Variants in PRKCZ observed in about 807,000 individuals in gnomAD.
PRKCZ encodes the protein protein kinase C zeta type.
A neutral mutation model predicts 79.5 loss-of-function variants in PRKCZ; 33 were observed. The ratio of observed to expected loss-of-function variants is 0.41; its 90% confidence interval spans 0.31 to 0.55. The LOEUF is 0.55. Ranked by LOEUF, PRKCZ falls within the 20% of genes least tolerant of loss-of-function variation. The probability of loss-of-function intolerance (pLI) is 0.19; values close to 1 mark genes in which losing one functional copy is unlikely to be tolerated. For synonymous variants in PRKCZ, 342 were observed against 320.9 expected, an observed-to-expected ratio of 1.07 and a Z score of -0.70; for missense variants, 578 against 813.5, an observed-to-expected ratio of 0.71 and a Z score of 3.52.
intron 11 of PRKCZ, 113 bp downstream of exon 11, chr1:2,169,717 C>CCCGGAGTTGGGGATGGGTGGGTGCGT (rs1684056065): frequency 4.5e-6 from 1 of 222,732 alleles, no homozygotes; most frequent in Non-Finnish European, 7.8e-6. Flanking sequence ...GGTGGGTGCG[C>CCCGGAGTTGGGGATGGGTGGGTGCGT]GCGGAGTTGG....
chr1:2,105,700 A>C (rs1289837009), intron 4 of PRKCZ, among the ~76,000 whole-genome samples: 1 of 152,180 alleles, frequency 6.6e-6, no homozygotes, highest in Non-Finnish European at 1.5e-5. Flanking sequence ...ACTCCTGGCC[A>C]GGTCTTTTTT....
intron 4 of PRKCZ, among the ~76,000 whole-genome samples, chr1:2,131,617 G>A (rs1024303034): frequency 3.3e-5 from 5 of 152,114 alleles, no homozygotes; most frequent in Non-Finnish European, 5.9e-5. Context: ...CGCAGGACTC[G>A]GCAATATAAA....
chr1:2,172,663 C>T lies in PRKCZ; in HGVS notation c.1285+275C>T, dbSNP rs1279434449. On this transcript the variant is annotated intron_variant, in intron 13 of 17. Transcript: ENST00000378567. The surrounding 1 kb of genome is among the most constrained non-coding windows in gnomAD (Gnocchi z 7.8). ...ACAGGGAGGGGAAAGACACAGAAAG[C>T]GGGGGTGGGACAGGGTGCAGCACCT... Among the ~76,000 whole-genome samples the T allele has an allele frequency of 1.3e-5, 2 of 152,110 alleles. No homozygotes were observed. The highest frequency in any genetic ancestry group is 4.8e-5 in the African/African-American group (2 of 41,420).
intron 4 of PRKCZ, among the ~76,000 whole-genome samples, chr1:2,064,908 G>T (rs188975506): frequency 5.8e-4 from 88 of 152,250 alleles, no homozygotes; most frequent in African/African-American, 2.0e-3. Context: ...ATTTTTGCAG[G>T]GATTGCATTG....
At chr1:2,126,836 C>T (rs572508551) in intron 4 of PRKCZ, among the ~76,000 whole-genome samples, 7 of 152,336 alleles carry the variant, frequency 4.6e-5, no homozygotes, top group Non-Finnish European at 8.8e-5. Context: ...GGCAGGGACA[C>T]GGCCGCCCAT....
At chr1:2,184,859 C>T (rs1425810593) in intron 17 of PRKCZ, 63 bp from the exon 18 acceptor site, 1 of 1,479,920 alleles carries the variant, frequency 6.8e-7, no homozygotes, top group Admixed American at 1.8e-5. Flanking sequence ...GAACGTGACT[C>T]CGCTTCCCCC....
intron 4 of PRKCZ, chr1:2,074,384 T>A: frequency 6.9e-7 from 1 of 1,444,896 alleles, no homozygotes; most frequent in Non-Finnish European, 9.4e-7. Flanking sequence ...CCCCAGGGAG[T>A]TGCTGGCTGT....
At position 2,168,949 on chromosome 1, in the gene PRKCZ, A is replaced by G. The variant is rs1050397175; in HGVS notation, c.975-569A>G. The G allele has an allele frequency of 2.8e-6, 1 of 352,358 alleles. No individual in the cohort carries two copies. Among genetic ancestry groups the G allele is most frequent in the East Asian group, 7.6e-5 (1 of 13,230 alleles). 21.8% of individuals were successfully genotyped at this position (352,358 alleles called of 1,614,324 possible). A position where few individuals can be genotyped will look rare whatever the true frequency, so the allele number is the denominator to read the frequency against. On this transcript the variant is annotated intron_variant, in intron 10 of 17. Coordinates refer to ENST00000378567, the MANE Select transcript of PRKCZ (RefSeq NM_002744.6). This position sits in a 1 kb window ranked among gnomAD's most constrained non-coding sequence, Gnocchi z 4.7. ...GACGGGAAGGGCCTGCGTGGTCCTG[A>G]TGACATCTGCGGATCTTTTAAAATC...
chr1:2,160,880 G>T (rs1297757322), intron 10 of PRKCZ, among the ~76,000 whole-genome samples: 1 of 152,132 alleles, frequency 6.6e-6, no homozygotes, highest in Non-Finnish European at 1.5e-5. Context: ...GGTTGTGGGT[G>T]TGTGAGAAAG....
At position 2,172,290 on chromosome 1, in the gene PRKCZ, TG is replaced by T. The variant is rs777976246; in HGVS notation, c.1198-10del. ...TACAAGAACCCTCTCCCAGTAACTTTGCCCCCACAGGAAGGCCTGGGCCCTG... is the reference window on the plus strand; with the variant it reads ...TACAAGAACCCTCTCCCAGTAACTTTCCCCCACAGGAAGGCCTGGGCCCTG... On this transcript the variant is annotated splice_polypyrimidine_tract_variant and intron_variant, in intron 12 of 17. Transcript: ENST00000378567. The surrounding 1 kb of genome is among the most constrained non-coding windows in gnomAD (Gnocchi z 7.8). The T allele has an allele frequency of 3.2e-5, 52 of 1,613,486 alleles. 1 individual carries two copies. The East Asian group carries it at 4.0e-4, about 12-fold the overall frequency.
At chr1:2,159,134 G>A (rs537300371) in intron 10 of PRKCZ, among the ~76,000 whole-genome samples, 2 of 152,154 alleles carry the variant, frequency 1.3e-5, no homozygotes, top group South Asian at 2.1e-4. Context: ...CTCCGGGTTG[G>A]GGGGAGGACC....
Position 2,094,002 on chromosome 1 carries a change from C to T in PRKCZ, c.334+34411C>T, listed in dbSNP as rs74382879. Among the ~76,000 whole-genome samples the T allele has an allele frequency of 0.025, 3,807 of 152,102 alleles. 171 individuals are homozygous for T. The highest frequency in any genetic ancestry group is 0.13 in the East Asian group (678 of 5,168). On this transcript the variant is annotated intron_variant, in intron 4 of 17. Coordinates refer to ENST00000378567, the MANE Select transcript of PRKCZ (RefSeq NM_002744.6). This position sits in a 1 kb window ranked among gnomAD's most constrained non-coding sequence, Gnocchi z 7.3. The stretch of plus-strand genomic sequence containing the variant: ...CGGGTGGAGGAAGTGCTGCCTGACA[C>T]GTGTGTCTGCTCCCTGCGGCACGTC...
At chr1:2,135,896 A>G (rs1676101575) in intron 5 of PRKCZ, among the ~76,000 whole-genome samples, 1 of 152,056 alleles carries the variant, frequency 6.6e-6, no homozygotes, top group Admixed American at 6.5e-5. Flanking sequence ...TGGGTGATTC[A>G]GATGCTTTTG....
intron 9 of PRKCZ, among the ~76,000 whole-genome samples, chr1:2,152,808 G>A (rs1310075529): frequency 6.6e-5 from 10 of 152,246 alleles, no homozygotes; most frequent in Non-Finnish European, 1.2e-4. Context: ...CCATGTGGCC[G>A]CTCGCTCAGG....
At chr1:2,091,111 G>A (rs1368308293) in intron 4 of PRKCZ, among the ~76,000 whole-genome samples, 1 of 152,110 alleles carries the variant, frequency 6.6e-6, no homozygotes, top group African/African-American at 2.4e-5. Flanking sequence ...GGTTCACTGC[G>A]ACCTCCGCCT....
At chr1:2,052,657 C>G (rs1659790237) in intron 1 of PRKCZ, among the ~76,000 whole-genome samples, 1 of 151,992 alleles carries the variant, frequency 6.6e-6, no homozygotes, top group South Asian at 2.1e-4. Flanking sequence ...CCTCGTCCCT[C>G]TGGGCACCCG....
chr1:2,050,646 G>C lies in PRKCZ; in HGVS notation c.16G>C (p.Gly6Arg). The change falls in exon 1 of 18, where the codon GGC becomes CGC. Residue 6 changes from glycine (G) to arginine (R), a missense_variant. Physicochemically the swap from Gly to Arg is moderately radical, Grantham distance 125. Coordinates refer to ENST00000378567, the MANE Select transcript of PRKCZ (RefSeq NM_002744.6). ...GGAGCGCGCCATGCCCAGCAGGACCGGCCCCAAGATGGAAGGGAGCGGCGG... is the reference window on the plus strand; with the variant it reads ...GGAGCGCGCCATGCCCAGCAGGACCCGCCCCAAGATGGAAGGGAGCGGCGG... MPSRT[G>R]PKMEGSGGRV... The C allele has an allele frequency of 3.3e-6, 4 of 1,226,632 alleles. No individual in the cohort carries two copies. The highest frequency in any genetic ancestry group is 3.0e-6 in the Non-Finnish European group (3 of 984,540). The allele number at this position is 1,226,632 out of a possible 1,614,324, so 76.0% of individuals were successfully genotyped here.
chr1:2,184,513 G>T (rs1047449400), intron 16 of PRKCZ, 70 bp from the exon 17 acceptor site: 12 of 1,150,230 alleles, frequency 1.0e-5, no homozygotes, highest in Admixed American at 4.2e-5. Flanking sequence ...ATTGAAGTGC[G>T]TGCAAAACAC....
At chr1:2,134,451 C>G (rs765174596) in intron 4 of PRKCZ, among the ~76,000 whole-genome samples, 1 of 152,192 alleles carries the variant, frequency 6.6e-6, no homozygotes, top group Non-Finnish European at 1.5e-5. Flanking sequence ...TCTGTTTACA[C>G]ACACATCCGT....
Sources: gnomAD v4.1 joint callset for allele counts (sites outside exome capture counted in the v4.1 genomes callset) on GRCh38, gnomAD v4.1.1 for gene constraint, Gnocchi (gnomAD v3.1) non-coding constraint, MANE v1.5 for transcripts, NCBI Gene and HGNC (gene_info 2026-07-23, HGNC 2026-07-21) for gene names.